SUSD6: variants seen among roughly 807,000 people sequenced by gnomAD.
The protein encoded by SUSD6 is sushi domain containing 6.
A neutral mutation model predicts 28.4 loss-of-function variants in SUSD6; 16 were observed. That is an observed-to-expected ratio of 0.56 (90% CI 0.38 to 0.86). SUSD6 has a LOEUF of 0.86. SUSD6 is among the 40% of genes least tolerant of loss of function. The pLI, the probability that SUSD6 is intolerant of heterozygous loss-of-function variation, is 0.00. For missense variants in SUSD6, 341 were observed against 384.2 expected (o/e 0.89, Z 0.94); for synonymous variants, 147 against 159.6 (o/e 0.92, Z 0.59).
intron 2 of SUSD6, among the ~76,000 whole-genome samples, chr14:69,699,912 G>A (rs1886289533): frequency 6.6e-6 from 1 of 152,162 alleles, no homozygotes; most frequent in Non-Finnish European, 1.5e-5. Context: ...TTACATAGGG[G>A]ACGAAAGATT....
intron 1 of SUSD6, chr14:69,617,534 T>C (rs1884976741): frequency 6.6e-6 from 1 of 152,208 alleles, no homozygotes; most frequent in South Asian, 2.1e-4. Context: ...TTTCCAAATA[T>C]TTGGTGCAGA....
At chr14:69,670,369 A>G in intron 2 of SUSD6, 1 of 441,044 alleles carries the variant, frequency 2.3e-6, no homozygotes, top group East Asian at 7.2e-5. Context: ...CTGAAAATAG[A>G]ACAATTCCAT....
intron 1 of SUSD6, among the ~76,000 whole-genome samples, chr14:69,621,555 C>T (rs1470661988): frequency 6.6e-6 from 1 of 152,106 alleles, no homozygotes; most frequent in African/African-American, 2.4e-5. Context: ...GAAAGTCATC[C>T]CTGCTAATTT....
At chr14:69,628,099 A>G (rs1457766693) in intron 1 of SUSD6, among the ~76,000 whole-genome samples, 1 of 151,614 alleles carries the variant, frequency 6.6e-6, no homozygotes, top group African/African-American at 2.4e-5. Flanking sequence ...CGCCCAGGTA[A>G]TTTTTGGATT....
intron 1 of SUSD6, among the ~76,000 whole-genome samples, chr14:69,639,313 CAAAAAAAAAA>C (rs57837741): frequency 1.1e-4 from 6 of 54,590 alleles, no homozygotes; most frequent in Admixed American, 1.1e-3. Context: ...GACTCCGTCT[CAAAAAAAAAA>C]AAAAAAAAAA....
intron 2 of SUSD6, among the ~76,000 whole-genome samples, chr14:69,696,408 T>C (rs1457906833): frequency 6.6e-6 from 1 of 152,236 alleles, no homozygotes; most frequent in Non-Finnish European, 1.5e-5. Context: ...ACTATACATT[T>C]AAACACCTTT....
At chr14:69,685,952 ACT>A (rs1886066729) in intron 2 of SUSD6, among the ~76,000 whole-genome samples, 1 of 152,188 alleles carries the variant, frequency 6.6e-6, no homozygotes, top group South Asian at 2.1e-4. Context: ...TCAGCAGCAC[ACT>A]CTGAGCAGCC....
chr14:69,673,392 C>A, intron 2 of SUSD6, among the ~76,000 whole-genome samples: 1 of 152,072 alleles, frequency 6.6e-6, no homozygotes, highest in Non-Finnish European at 1.5e-5. Flanking sequence ...GTCTGAAGAC[C>A]AAACTTTGAG....
intron 2 of SUSD6, 56 bp downstream of exon 2, chr14:69,658,769 T>C: frequency 6.2e-7 from 1 of 1,611,172 alleles, no homozygotes; most frequent in Admixed American, 1.7e-5. Flanking sequence ...TACCATTGTT[T>C]CTCTCGAAGA....
chr14:69,667,653 G>A (rs1350008312), intron 2 of SUSD6, among the ~76,000 whole-genome samples: 2 of 151,950 alleles, frequency 1.3e-5, no homozygotes, highest in Non-Finnish European at 2.9e-5. Flanking sequence ...AAAGTGCTGG[G>A]ACTACAGGTG....
rs142250747 is a variant in SUSD6, at chr14:69,700,445, A to G, written c.122-2950A>G. ...CAGCGGCTCCCCCTTTTCTTTGACT[A>G]TAATTATAAATATCTCCTTTTGTAA... On this transcript the variant is annotated intron_variant, in intron 2 of 5. Transcript: ENST00000342745. Among the ~76,000 whole-genome samples the G allele has an allele frequency of 8.5e-5, 13 of 152,288 alleles. No homozygotes were observed. The East Asian group carries it at 9.6e-4, about 11-fold the overall frequency.
In SUSD6 at chr14:69,714,495, TGC is replaced by T. The variant is rs1886517878; in HGVS notation, c.*3517_*3518del. The T allele has an allele frequency of 6.6e-6, 1 of 152,134 alleles. No individual in the cohort carries two copies. The highest frequency in any genetic ancestry group is 1.5e-5 in the Non-Finnish European group (1 of 68,024). 9.4% of individuals were successfully genotyped at this position (152,134 alleles called of 1,614,324 possible). A position where few individuals can be genotyped will look rare whatever the true frequency, so the allele number is the denominator to read the frequency against. ...GCAGCATGCAGGCTTCACAGCTTAA[TGC>T]CAAGGACAGCGAGTGAGGCTGGGAG... On this transcript the variant is annotated 3_prime_UTR_variant, in exon 6 of 6. Coordinates refer to ENST00000342745, the MANE Select transcript of SUSD6 (RefSeq NM_014734.4).
At chr14:69,689,964 G>C (rs1886130953) in intron 2 of SUSD6, among the ~76,000 whole-genome samples, 3 of 152,154 alleles carry the variant, frequency 2.0e-5, no homozygotes, top group Admixed American at 2.0e-4. Context: ...CCATGCCCGT[G>C]TTTTTTTACT....
chr14:69,704,700 T>G lies in SUSD6; in HGVS notation c.416T>G (p.Phe139Cys). ...CTCATTCTCCTCCTCGTGGTGCTGT[T>G]TGTGCTGCTGCAGCCAAAGCTGAAG... ...VALILLLVVL[F>C]VLLQPKLKSF... Residue 139 changes from phenylalanine (F) to cysteine (C), a missense_variant, in exon 4 of 6, where the codon TTT becomes TGT. By Grantham distance (205) the Phe-to-Cys change is radical (BLOSUM62 -2). Transcript: ENST00000342745. The G allele has an allele frequency of 7.4e-6, 12 of 1,614,160 alleles. No individual in the cohort carries two copies. The highest frequency in any genetic ancestry group is 9.3e-6 in the Non-Finnish European group (11 of 1,180,018).
chr14:69,664,132 C>A (rs1486895349), intron 2 of SUSD6, among the ~76,000 whole-genome samples: 1 of 152,098 alleles, frequency 6.6e-6, no homozygotes, highest in Non-Finnish European at 1.5e-5. Context: ...GCGCCCGCCA[C>A]CACGCCCAGC....
At chr14:69,691,542 G>A (rs1298873493) in intron 2 of SUSD6, among the ~76,000 whole-genome samples, 1 of 152,318 alleles carries the variant, frequency 6.6e-6, no homozygotes, top group East Asian at 1.9e-4. Context: ...GCAGTGGCCT[G>A]TTGAGTGCCT....
intron 2 of SUSD6, among the ~76,000 whole-genome samples, chr14:69,662,852 G>A (rs1156749272): frequency 6.6e-6 from 1 of 152,150 alleles, no homozygotes; most frequent in East Asian, 1.9e-4. Flanking sequence ...TGTTAAGTTG[G>A]TGTTGTGTAG....
intron 2 of SUSD6, among the ~76,000 whole-genome samples, chr14:69,697,701 C>T (rs1886246328): frequency 6.6e-6 from 1 of 152,126 alleles, no homozygotes; most frequent in Admixed American, 6.5e-5. Context: ...CCATTCCTTC[C>T]TCCTCTCCTT....
At chr14:69,650,995 G>C (rs1407515444) in intron 1 of SUSD6, among the ~76,000 whole-genome samples, 2 of 152,136 alleles carry the variant, frequency 1.3e-5, no homozygotes, top group African/African-American at 4.8e-5. Context: ...CTTCCTTCCA[G>C]TCAGAGCCTG....
Sources: allele counts gnomAD v4.1 joint callset (sites outside exome capture counted in the v4.1 genomes callset), GRCh38; gene constraint gnomAD v4.1.1; transcripts MANE v1.5; gene names NCBI Gene and HGNC (gene_info 2026-07-23, HGNC 2026-07-21).